Variants in NDST3 observed in about 807,000 individuals in gnomAD.
The protein encoded by NDST3 is N-deacetylase and N-sulfotransferase 3.
NDST3 carries 58 observed loss-of-function variants against 96.1 expected under a neutral mutation model. The ratio of observed to expected loss-of-function variants is 0.60; its 90% confidence interval spans 0.49 to 0.75. The LOEUF (loss-of-function observed/expected upper bound fraction) is 0.75, where lower values mean the gene tolerates loss of function less well. Among genes scored for constraint, NDST3 ranks in the 30% least tolerant of loss-of-function variants. The pLI is 0.00. For synonymous variants in NDST3, 333 were observed against 359.7 expected, an observed-to-expected ratio of 0.93 and a Z score of 0.84; for missense variants, 788 against 1,034.2, an observed-to-expected ratio of 0.76 and a Z score of 3.27.
At chr4:118,236,140 G>A (rs977751449) in intron 9 of NDST3, among the ~76,000 whole-genome samples, 1 of 152,192 alleles carries the variant, frequency 6.6e-6, no homozygotes, top group Non-Finnish European at 1.5e-5. Context: ...ATGAATTGAA[G>A]GGGGTGGCAA....
intron 2 of NDST3, among the ~76,000 whole-genome samples, chr4:118,067,542 G>A (rs1479660609): frequency 6.6e-6 from 1 of 152,078 alleles, no homozygotes; most frequent in Non-Finnish European, 1.5e-5. Flanking sequence ...CACTTTGCAA[G>A]AACTAATTAG....
At chr4:118,085,122 A>AAACAACAAC (rs10682796) in intron 2 of NDST3, among the ~76,000 whole-genome samples, 4 of 150,590 alleles carry the variant, frequency 2.7e-5, no homozygotes, top group African/African-American at 7.3e-5. Context: ...GACTCCGTAA[A>AAACAACAAC]AACAACAACA....
chr4:118,227,465 A>G (rs1381040465), intron 8 of NDST3, among the ~76,000 whole-genome samples: 1 of 152,120 alleles, frequency 6.6e-6, no homozygotes, highest in Non-Finnish European at 1.5e-5. Flanking sequence ...AGTCTAAAAG[A>G]TATTTCACAA....
At chr4:118,088,107 T>C (rs1435765918) in intron 2 of NDST3, among the ~76,000 whole-genome samples, 1 of 152,012 alleles carries the variant, frequency 6.6e-6, no homozygotes, top group Non-Finnish European at 1.5e-5. Context: ...TTTTGTGAAA[T>C]GCCAGTCAAG....
rs980065171 is a variant in NDST3 at position 118,127,114 on chromosome 4, T to C, written c.1225-10940T>C. Among the ~76,000 whole-genome samples the C allele has an allele frequency of 2.0e-5, 3 of 151,966 alleles. No homozygotes were observed. In the South Asian group the frequency reaches 6.2e-4, roughly 31 times the overall value. ...TATTAATCTCTTGTCAGATGGGGAG[T>C]TTGCAAATATTTTCTCCCATTCTGT... is the stretch of plus-strand genomic sequence containing the variant. On this transcript the variant is annotated intron_variant, in intron 4 of 13. Transcript: ENST00000296499.
chr4:118,131,322 G>A (rs1013346375), intron 4 of NDST3, among the ~76,000 whole-genome samples: 1 of 151,588 alleles, frequency 6.6e-6, no homozygotes, highest in African/African-American at 2.4e-5. Flanking sequence ...TTTTCAAATA[G>A]GCTGTCTTCA....
Position 118,080,447 on chromosome 4 carries a change from G to A in NDST3, c.982-24571G>A, listed in dbSNP as rs1175847288. On this transcript the variant is annotated intron_variant, in intron 2 of 13. Coordinates refer to ENST00000296499, the MANE Select transcript of NDST3 (RefSeq NM_004784.3). ...TAAAAGAGGATCATCCCTGGGGTAT[G>A]TCACCATGAAGGTCATGGCCACATA... 2.6e-5 allele frequency among the ~76,000 whole-genome samples: 4 copies of A among 152,296 alleles called. No individual in the cohort carries two copies. The South Asian group carries it at 8.3e-4, about 32-fold the overall frequency.
chr4:118,061,367 A>T (rs376873027), intron 2 of NDST3, among the ~76,000 whole-genome samples: 53 of 152,156 alleles, frequency 3.5e-4, no homozygotes, highest in African/African-American at 1.2e-3. Flanking sequence ...TTTCCCTGAG[A>T]GTGTTTTGTT....
At chr4:118,206,283 T>C (rs1318122919) in intron 6 of NDST3, among the ~76,000 whole-genome samples, 4 of 145,022 alleles carry the variant, frequency 2.8e-5, no homozygotes, top group African/African-American at 7.6e-5. Flanking sequence ...GAAGTATTTA[T>C]TTATTCTGAG....
chr4:118,131,916 CT>C (rs1009103006), intron 4 of NDST3, among the ~76,000 whole-genome samples: 12 of 152,112 alleles, frequency 7.9e-5, no homozygotes, highest in Non-Finnish European at 1.8e-4. Flanking sequence ...AACAGAGTCT[CT>C]TTCTCTGTGC....
At chr4:118,126,250 C>T (rs1230631310) in intron 4 of NDST3, among the ~76,000 whole-genome samples, 1 of 151,936 alleles carries the variant, frequency 6.6e-6, no homozygotes, top group African/African-American at 2.4e-5. Context: ...ATTAATCATG[C>T]CCACCTCCCC....
At chr4:118,076,032 G>C (rs1727499009) in intron 2 of NDST3, among the ~76,000 whole-genome samples, 1 of 152,100 alleles carries the variant, frequency 6.6e-6, no homozygotes, top group Non-Finnish European at 1.5e-5. Flanking sequence ...GTTTGCAAGG[G>C]ATCTTATTTC....
intron 6 of NDST3, among the ~76,000 whole-genome samples, chr4:118,171,685 G>A (rs17594018): frequency 0.052 from 7,925 of 152,216 alleles, 293 homozygotes; most frequent in Non-Finnish European, 0.083. Context: ...TTTTGGTCTT[G>A]GATGTCAGCG....
rs543393864 is a variant in NDST3, at chr4:118,243,595, T to C, written c.2399+1446T>C. Reference sequence around the variant, plus strand: ...AGTGATTTCAGTTTGCACTTAAAAATTCAAGACCATTTTCTGTTCTGTATC... The same window carrying C: ...AGTGATTTCAGTTTGCACTTAAAAACTCAAGACCATTTTCTGTTCTGTATC... On this transcript the variant is annotated intron_variant, in intron 12 of 13. Transcript: ENST00000296499. Among the ~76,000 whole-genome samples, 138 of 152,330 alleles carry C rather than the reference T, an allele frequency of 9.1e-4. 1 individual carries two copies. Among genetic ancestry groups the C allele is most frequent in the African/African-American group, 3.1e-3 (130 of 41,586 alleles).
chr4:118,162,803 G>A lies in NDST3; in HGVS notation c.1539+19119G>A, dbSNP rs952460301. ...CACAGCAAAAGAAACTACCATCAGCGTGAACAGGCAACCTACAAAATGGGA... is the reference window on the plus strand; with the variant it reads ...CACAGCAAAAGAAACTACCATCAGCATGAACAGGCAACCTACAAAATGGGA... On this transcript the variant is annotated intron_variant, in intron 6 of 13. Coordinates refer to ENST00000296499, the MANE Select transcript of NDST3 (RefSeq NM_004784.3). Among the ~76,000 whole-genome samples, 856 of 149,320 alleles carry A rather than the reference G, an allele frequency of 5.7e-3. 12 individuals carry two copies. The highest frequency in any genetic ancestry group is 0.02 in the African/African-American group (816 of 40,800).
chr4:118,131,285 T>C (rs1226538986), intron 4 of NDST3, among the ~76,000 whole-genome samples: 1 of 151,652 alleles, frequency 6.6e-6, no homozygotes, highest in African/African-American at 2.4e-5. Flanking sequence ...TTTGGTTTGG[T>C]TTTCTTTTGT....
intron 2 of NDST3, among the ~76,000 whole-genome samples, chr4:118,065,839 G>C (rs1360127466): frequency 1.3e-5 from 2 of 150,464 alleles, no homozygotes; most frequent in Non-Finnish European, 3.0e-5. Context: ...CCTGGTGCCT[G>C]GTGCAGTAAT....
intron 2 of NDST3, among the ~76,000 whole-genome samples, chr4:118,066,325 T>C (rs1474438002): frequency 2.8e-4 from 1 of 3,596 alleles, no homozygotes; most frequent in African/African-American, 3.7e-4. Flanking sequence ...TTATATATAT[T>C]ATGTATTATA....
At chr4:118,125,068 C>A (rs370564434) in intron 4 of NDST3, among the ~76,000 whole-genome samples, 2 of 152,028 alleles carry the variant, frequency 1.3e-5, no homozygotes, top group Non-Finnish European at 2.9e-5. Context: ...ATTTCCAACT[C>A]CTCTCGCCTA....
Sources: gnomAD v4.1 joint callset for allele counts (sites outside exome capture counted in the v4.1 genomes callset) on GRCh38, gnomAD v4.1.1 for gene constraint, MANE v1.5 for transcripts, NCBI Gene and HGNC (gene_info 2026-07-23, HGNC 2026-07-21) for gene names.